ECPAS: variants seen among roughly 807,000 people sequenced by gnomAD.
The protein encoded by ECPAS is Ecm29 proteasome adaptor and scaffold, also known as proteasome adapter and scaffold protein ECM29.
A neutral mutation model predicts 255.1 loss-of-function variants in ECPAS; 70 were observed. The ratio of observed to expected loss-of-function variants is 0.27; its 90% confidence interval spans 0.23 to 0.33. The LOEUF is 0.33. Among genes scored for constraint, ECPAS ranks in the 10% least tolerant of loss-of-function variants. The pLI is 1.00. For missense variants in ECPAS, 1,817 were observed against 2,206.4 expected (o/e 0.82, Z 3.54); for synonymous variants, 784 against 775.0 (o/e 1.01, Z -0.19).
chr9:111,401,960 A>G (rs2098176748), intron 24 of ECPAS, among the ~76,000 whole-genome samples: 1 of 152,230 alleles, frequency 6.6e-6, no homozygotes, highest in African/African-American at 2.4e-5. Flanking sequence ...CAAACAATTT[A>G]TACAGTTAAC....
At chr9:111,441,800 C>T (rs1179527415) in intron 5 of ECPAS, among the ~76,000 whole-genome samples, 2 of 152,212 alleles carry the variant, frequency 1.3e-5, no homozygotes, top group Non-Finnish European at 2.9e-5. Flanking sequence ...TCTCTTTCCT[C>T]TACATTTCTG....
At chr9:111,370,384 ACTTTTT>A (rs1227510881) in intron 45 of ECPAS, 45 bp downstream of exon 45, 12 of 1,279,510 alleles carry the variant, frequency 9.4e-6, no homozygotes, top group Non-Finnish European at 1.3e-5. Context: ...CAATTTTTTA[ACTTTTT>A]CTTTTTAAAG....
At chr9:111,388,008 T>C (rs1295007381) in intron 31 of ECPAS, among the ~76,000 whole-genome samples, 1 of 152,250 alleles carries the variant, frequency 6.6e-6, no homozygotes, top group Non-Finnish European at 1.5e-5. Flanking sequence ...AGATGAGTTT[T>C]ACTTTTTAAG....
In ECPAS at chr9:111,375,178, C is replaced by T. The variant is rs1184907363; in HGVS notation, c.4045G>A (p.Val1349Met). ...AACCTAGGAACTAGCTCGCCCAGCA[C>T]TGACACATCAAGGTATTGCAGGCAC... Reference protein sequence around the residue: ...NMCLQYLDVSVLGELVPRLCE... With the variant: ...NMCLQYLDVSMLGELVPRLCE... The change falls in exon 38 of 50, where the codon GTG becomes ATG. Residue 1349 changes from valine (V) to methionine (M), a missense_variant. Coordinates refer to ENST00000684092, the MANE Select transcript of ECPAS (RefSeq NM_001364929.1). The T allele has an allele frequency of 6.2e-7, 1 of 1,613,712 alleles. No homozygotes were observed. The highest frequency in any genetic ancestry group is 1.3e-5 in the African/African-American group (1 of 75,030).
At chr9:111,430,521 T>A (rs778064065) in intron 9 of ECPAS, 26 bp downstream of exon 9, 3 of 1,406,732 alleles carry the variant, frequency 2.1e-6, no homozygotes, top group Non-Finnish European at 3.0e-6. Context: ...TTTACGCTGA[T>A]GTGAGAATAA....
intron 24 of ECPAS, among the ~76,000 whole-genome samples, chr9:111,398,790 A>G (rs965169423): frequency 1.8e-4 from 28 of 152,150 alleles, no homozygotes; most frequent in African/African-American, 6.8e-4. Flanking sequence ...TAAAAAAATT[A>G]GCCGGGCATG....
chr9:111,441,430 G>A (rs1015489073), intron 5 of ECPAS, among the ~76,000 whole-genome samples: 4 of 151,760 alleles, frequency 2.6e-5, no homozygotes, highest in East Asian at 1.9e-4. Context: ...ACTTCAGCTC[G>A]GGAGGCAGAG....
intron 2 of ECPAS, among the ~76,000 whole-genome samples, chr9:111,459,711 T>G (rs971949964): frequency 2.0e-5 from 3 of 152,176 alleles, no homozygotes; most frequent in African/African-American, 7.2e-5. Context: ...GCTTTTTTAA[T>G]TACTTCTAAA....
intron 24 of ECPAS, among the ~76,000 whole-genome samples, chr9:111,399,372 G>T (rs552519973): frequency 4.5e-4 from 68 of 152,306 alleles, no homozygotes; most frequent in African/African-American, 1.4e-3. Flanking sequence ...AGTACACACT[G>T]CCTATACCAC....
intron 34 of ECPAS, 41 bp from the exon 35 acceptor site, chr9:111,383,373 G>T: frequency 1.3e-6 from 2 of 1,572,176 alleles, no homozygotes; most frequent in Non-Finnish European, 1.7e-6. Flanking sequence ...AAGTGACCGC[G>T]CATCCAATAA....
intron 8 of ECPAS, among the ~76,000 whole-genome samples, chr9:111,432,333 G>C (rs1247160598): frequency 6.6e-6 from 1 of 152,202 alleles, no homozygotes. Context: ...AGCAGTTTTG[G>C]CCAGGCGTGG....
intron 35 of ECPAS, 144 bp downstream of exon 35, chr9:111,383,067 G>T (rs2131571015): frequency 1.1e-6 from 1 of 926,664 alleles, no homozygotes; most frequent in Non-Finnish European, 1.6e-6. Flanking sequence ...TGAAAATATT[G>T]TGACTCACAA....
chr9:111,371,082 A>G (rs2098126714), intron 43 of ECPAS, among the ~76,000 whole-genome samples: 1 of 152,194 alleles, frequency 6.6e-6, no homozygotes, highest in Admixed American at 6.5e-5. Context: ...TCATTCCTGC[A>G]TGGGCCACTA....
chr9:111,425,399 T>G lies in ECPAS; in HGVS notation c.1215+19A>C. 1 of 1,499,160 alleles carries G rather than the reference T, an allele frequency of 6.7e-7. No individual in the cohort carries two copies. Among genetic ancestry groups the G allele is most frequent in the African/African-American group, 1.4e-5 (1 of 70,904 alleles). 92.9% of individuals were successfully genotyped at this position (1,499,160 alleles called of 1,614,324 possible). A position where few individuals can be genotyped will look rare whatever the true frequency, so the allele number is the denominator to read the frequency against. ...TAAGATATAAAATGTTGATAAAATT[T>G]AAAAGACAAGTCACTTACCTCTTTG... is the stretch of plus-strand genomic sequence containing the variant. On this transcript the variant is annotated intron_variant, in intron 12 of 49. Coordinates refer to ENST00000684092, the MANE Select transcript of ECPAS (RefSeq NM_001364929.1).
chr9:111,436,105 T>G (rs759345604), intron 7 of ECPAS, among the ~76,000 whole-genome samples: 79 of 151,810 alleles, frequency 5.2e-4, no homozygotes, highest in Admixed American at 3.2e-3. Flanking sequence ...AATAAAACAT[T>G]CTATAAATTT....
chr9:111,412,129 T>C lies in ECPAS; in HGVS notation c.2099A>G (p.Lys700Arg). 6.3e-7 allele frequency: 1 copy of C among 1,588,436 alleles called. No individual in the cohort carries two copies. Among genetic ancestry groups the C allele is most frequent in the Non-Finnish European group, 8.5e-7 (1 of 1,172,942 alleles). ...CGCTGCCAGTTCGCGCATTTCTTCT[T>C]TACTGTTATTCATCAGACTCTGAGC... ...EWIKSLMNNS[K>R]EEMRELAALF... is the part of the protein sequence containing the mutation. Residue 700 changes from lysine to arginine, a missense_variant, in exon 21 of 50, where the codon AAA becomes AGA. This residue lies in a region of ECPAS where 573 missense variants were observed against 716.2 expected (regional missense o/e 0.80). Transcript: ENST00000684092.
Position 111,372,525 on chromosome 9 carries a change from G to A in ECPAS, c.4432C>T (p.Leu1478=). Residue 1478 remains leucine, a synonymous_variant, in exon 42 of 50, where the codon CTG becomes TTG. Transcript: ENST00000684092. ...LKNHAKEVLP[L]AFLGMHEIAD... Reference sequence around the variant, plus strand: ...ATTTCATGCATGCCTAAAAATGCCAGAGGCAGGACTTCTTTTGCATGATTC... The same window carrying A: ...ATTTCATGCATGCCTAAAAATGCCAAAGGCAGGACTTCTTTTGCATGATTC... 2 of 1,613,818 alleles carry A rather than the reference G, an allele frequency of 1.2e-6. No homozygotes were observed. Among genetic ancestry groups the A allele is most frequent in the South Asian group, 1.1e-5 (1 of 91,086 alleles).
At chr9:111,379,987 A>T (rs79031968) in intron 35 of ECPAS, among the ~76,000 whole-genome samples, 92 of 152,332 alleles carry the variant, frequency 6.0e-4, no homozygotes, top group African/African-American at 2.1e-3. Flanking sequence ...TATTAATGAC[A>T]TTTTGACCTC....
chr9:111,448,950 T>G (rs138546999), intron 3 of ECPAS, among the ~76,000 whole-genome samples: 56 of 152,212 alleles, frequency 3.7e-4, no homozygotes, highest in African/African-American at 1.2e-3. Context: ...ATACTATAAA[T>G]AAAGAATAAA....
Sources: gnomAD v4.1 joint callset for allele counts (sites outside exome capture counted in the v4.1 genomes callset) on GRCh38, gnomAD v4.1.1 for gene constraint, gnomAD v4.1.1 regional missense constraint, MANE v1.5 for transcripts, NCBI Gene and HGNC (gene_info 2026-07-23, HGNC 2026-07-21) for gene names.